NREP: variants seen among roughly 807,000 people sequenced by gnomAD.
NREP encodes the protein neuronal regeneration-related protein.
NREP carries 5 observed loss-of-function variants against 8.6 expected under a neutral mutation model. The ratio of observed to expected loss-of-function variants is 0.58; its 90% CI spans 0.30 to 1.22. The LOEUF is 1.22. Ranked by LOEUF, NREP falls within the 50% of genes most tolerant of loss-of-function variation. The pLI, the probability that NREP is intolerant of heterozygous loss-of-function variation, is 0.07. For missense variants in NREP, 86 were observed against 82.5 expected (o/e 1.04, Z -0.17); for synonymous variants, 27 against 28.0 (o/e 0.96, Z 0.11).
At chr5:111,737,985 C>T (rs183397915) in intron 2 of NREP, among the ~76,000 whole-genome samples, 43 of 152,230 alleles carry the variant, frequency 2.8e-4, no homozygotes, top group African/African-American at 1.0e-3. Context: ...TTTCCAATCT[C>T]CTTCAAAGTC....
At chr5:111,837,420 A>G (rs949021503) in intron 2 of NREP, among the ~76,000 whole-genome samples, 2 of 152,080 alleles carry the variant, frequency 1.3e-5, no homozygotes, top group South Asian at 4.1e-4. Context: ...GTTGAAATTG[A>G]TTGAAAGATA....
chr5:111,969,954 T>C (rs1285758735), intron 2 of NREP, among the ~76,000 whole-genome samples: 1 of 152,186 alleles, frequency 6.6e-6, no homozygotes, highest in East Asian at 1.9e-4. Flanking sequence ...TGAACAAAGC[T>C]CTATTAGACA....
chr5:111,924,291 A>G (rs570164947), intron 2 of NREP, among the ~76,000 whole-genome samples: 1 of 152,242 alleles, frequency 6.6e-6, no homozygotes, highest in East Asian at 1.9e-4. Context: ...GTAGGACTTT[A>G]CCCTGAGAAT....
chr5:111,835,379 C>A (rs182702037), intron 2 of NREP, among the ~76,000 whole-genome samples: 35 of 152,178 alleles, frequency 2.3e-4, no homozygotes, highest in African/African-American at 7.7e-4. Context: ...TATACCTGCC[C>A]ACAAGGATCT....
At chr5:111,729,283 T>C (rs1271033945), downstream of NREP, 1 of 152,226 alleles carries the variant, frequency 6.6e-6, no homozygotes, top group Non-Finnish European at 1.5e-5. Flanking sequence ...GCCTCTTCAA[T>C]GATGAGCCAA....
At chr5:111,733,266 T>C (rs1032605644) in intron 3 of NREP, 1 of 152,174 alleles carries the variant, frequency 6.6e-6, no homozygotes, top group Non-Finnish European at 1.5e-5. Context: ...TCACCCTTCA[T>C]TAACTTGCTG....
intron 2 of NREP, among the ~76,000 whole-genome samples, chr5:111,766,758 G>C (rs894924395): frequency 1.3e-5 from 2 of 152,198 alleles, no homozygotes. Context: ...CCTCCATGGA[G>C]CTGGGTTTCC....
At chr5:111,798,750 T>G (rs1751931061) in intron 2 of NREP, among the ~76,000 whole-genome samples, 1 of 70,360 alleles carries the variant, frequency 1.4e-5, no homozygotes, top group Admixed American at 1.6e-4. Flanking sequence ...TGTGTGTGTG[T>G]GTGTGTGTGT....
At position 111,729,881 on chromosome 5, in the gene NREP, G is replaced by C. The variant is rs1459691873; in HGVS notation, c.*1040C>G. On this transcript the variant is annotated 3_prime_UTR_variant, in exon 4 of 4. Transcript: ENST00000257435. ...GTTTTCCAATTTAATATTTGGAAAAGGTGTCATTTTCATATTCCCACTCAG... is the reference window on the plus strand; with the variant it reads ...GTTTTCCAATTTAATATTTGGAAAACGTGTCATTTTCATATTCCCACTCAG... 13 of 152,518 alleles carry C rather than the reference G, an allele frequency of 8.5e-5. 1 individual carries two copies. Among genetic ancestry groups the C allele is most frequent in the Non-Finnish European group, 1.8e-4 (12 of 68,014 alleles). 9.4% of individuals were successfully genotyped at this position (152,518 alleles called of 1,614,324 possible).
chr5:111,967,125 C>T (rs551286104), intron 2 of NREP, among the ~76,000 whole-genome samples: 3 of 152,266 alleles, frequency 2.0e-5, no homozygotes, highest in South Asian at 4.2e-4. Flanking sequence ...ATGCATTGGA[C>T]AGCCCCCTAA....
chr5:111,946,583 C>T (rs896641282), intron 2 of NREP, among the ~76,000 whole-genome samples: 1 of 151,956 alleles, frequency 6.6e-6, no homozygotes, highest in Non-Finnish European at 1.5e-5. Flanking sequence ...TATTCTTATT[C>T]TTTCTAGTAA....
chr5:111,858,846 G>C (rs1753483500), intron 2 of NREP, among the ~76,000 whole-genome samples: 2 of 151,950 alleles, frequency 1.3e-5, no homozygotes, highest in Admixed American at 1.3e-4. Context: ...AACCTTACGA[G>C]CATCAACCAC....
chr5:111,927,966 T>C (rs1228589119), intron 2 of NREP, among the ~76,000 whole-genome samples: 1 of 152,078 alleles, frequency 6.6e-6, no homozygotes, highest in Admixed American at 6.6e-5. Flanking sequence ...AGTCTGGGGC[T>C]TCATAGGCCC....
At chr5:111,964,912 A>G (rs1756599792) in intron 2 of NREP, among the ~76,000 whole-genome samples, 1 of 147,244 alleles carries the variant, frequency 6.8e-6, no homozygotes, top group Non-Finnish European at 1.5e-5. Context: ...ATGTAATTCT[A>G]ACTTAAAATT....
chr5:111,976,178 T>C (rs892490112), intron 1 of NREP, among the ~76,000 whole-genome samples: 1 of 152,190 alleles, frequency 6.6e-6, no homozygotes, highest in Non-Finnish European at 1.5e-5. Context: ...TCAGAAAAGA[T>C]TATACAATAG....
chr5:111,869,103 T>C (rs956135436), intron 2 of NREP, among the ~76,000 whole-genome samples: 2 of 152,194 alleles, frequency 1.3e-5, no homozygotes, highest in Admixed American at 6.5e-5. Context: ...ATTTGAGCAA[T>C]AGCAAATATT....
chr5:111,832,801 C>G (rs1279411016), intron 2 of NREP, among the ~76,000 whole-genome samples: 2 of 152,346 alleles, frequency 1.3e-5, no homozygotes, highest in Middle Eastern at 3.4e-3. Context: ...ATTCCCATAG[C>G]CAATACGCAG....
intron 2 of NREP, among the ~76,000 whole-genome samples, chr5:111,953,971 G>T (rs1311949359): frequency 6.6e-6 from 1 of 152,094 alleles, no homozygotes; most frequent in Non-Finnish European, 1.5e-5. Flanking sequence ...TGTTTAACAT[G>T]GGTTAGGGCC....
chr5:111,777,433 C>T (rs529842308), intron 2 of NREP, among the ~76,000 whole-genome samples: 3 of 151,628 alleles, frequency 2.0e-5, no homozygotes, highest in Non-Finnish European at 4.4e-5. Flanking sequence ...GAGAGGAAAC[C>T]GGGTAGCTCA....
Sources: allele counts gnomAD v4.1 joint callset (sites outside exome capture counted in the v4.1 genomes callset), GRCh38; gene constraint gnomAD v4.1.1; transcripts MANE v1.5; gene names NCBI Gene and HGNC (gene_info 2026-07-23, HGNC 2026-07-21).